The following RAB28 variants were observed in gnomAD, a reference collection of about 807,000 sequenced individuals.
RAB28 encodes the protein RAB28, member RAS oncogene family.
RAB28 carries 24 observed loss-of-function variants against 31.7 expected under a neutral mutation model. That is an observed-to-expected ratio of 0.76 (90% CI 0.55 to 1.06). The LOEUF is 1.06. RAB28 is among the 50% of genes least tolerant of loss of function. The probability of loss-of-function intolerance (pLI) is 0.00; values close to 1 mark genes in which losing one functional copy is unlikely to be tolerated. For missense variants in RAB28, 254 were observed against 258.5 expected, an observed-to-expected ratio of 0.98 and a Z score of 0.12; for synonymous variants, 100 against 90.4, an observed-to-expected ratio of 1.11 and a Z score of -0.60.
At chr4:13,474,027 T>C (rs187380875) in intron 3 of RAB28, 109 of 484,720 alleles carry the variant, frequency 2.2e-4, no homozygotes, top group African/African-American at 1.9e-3. Flanking sequence ...CTAATACATA[T>C]CAAAATATCA....
At chr4:13,460,008 AC>A in intron 4 of RAB28, 1 of 759,528 alleles carries the variant, frequency 1.3e-6, no homozygotes, top group Non-Finnish European at 2.0e-6. Context: ...GTTATAATAG[AC>A]CACGCATCAA....
At chr4:13,375,349 C>CT (rs1050446730) in intron 6 of RAB28, among the ~76,000 whole-genome samples, 4 of 152,052 alleles carry the variant, frequency 2.6e-5, no homozygotes, top group Admixed American at 2.0e-4. Context: ...TCTTTTAATT[C>CT]TTTTTTAGAC....
chr4:13,444,274 G>A (rs571219420), intron 4 of RAB28, among the ~76,000 whole-genome samples: 6 of 151,954 alleles, frequency 3.9e-5, no homozygotes, highest in East Asian at 1.9e-4. Flanking sequence ...TGATCCACCC[G>A]CCTCAGCCTC....
At chr4:13,409,827 G>A (rs1248426403) in intron 4 of RAB28, among the ~76,000 whole-genome samples, 2 of 152,102 alleles carry the variant, frequency 1.3e-5, no homozygotes, top group Non-Finnish European at 2.9e-5. Flanking sequence ...ACCAAATACA[G>A]TGCCACCACA....
intron 3 of RAB28, among the ~76,000 whole-genome samples, chr4:13,464,703 A>C (rs932712048): frequency 6.6e-6 from 1 of 152,154 alleles, no homozygotes; most frequent in Non-Finnish European, 1.5e-5. Flanking sequence ...TAAATGCAGC[A>C]CAGTGTAAAG....
At chr4:13,421,528 A>G (rs1713145021) in intron 4 of RAB28, among the ~76,000 whole-genome samples, 1 of 152,212 alleles carries the variant, frequency 6.6e-6, no homozygotes, top group Non-Finnish European at 1.5e-5. Flanking sequence ...ACAGTAACCA[A>G]AACAACATGG....
chr4:13,458,100 G>C, intron 4 of RAB28, among the ~76,000 whole-genome samples: 1 of 152,044 alleles, frequency 6.6e-6, no homozygotes, highest in Non-Finnish European at 1.5e-5. Flanking sequence ...AAAAGCATCT[G>C]ATTCACTCAA....
At chr4:13,393,572 G>T (rs568784987) in intron 4 of RAB28, among the ~76,000 whole-genome samples, 1 of 152,084 alleles carries the variant, frequency 6.6e-6, no homozygotes, top group Admixed American at 6.6e-5. Flanking sequence ...TGACTACACG[G>T]ACTGAAAACT....
At chr4:13,449,945 A>G (rs1714878087) in intron 4 of RAB28, among the ~76,000 whole-genome samples, 1 of 151,942 alleles carries the variant, frequency 6.6e-6, no homozygotes, top group Non-Finnish European at 1.5e-5. Context: ...TGGATCAGAT[A>G]GTATAAAGGC....
At chr4:13,391,806 C>G (rs777251172) in intron 4 of RAB28, among the ~76,000 whole-genome samples, 27 of 150,966 alleles carry the variant, frequency 1.8e-4, no homozygotes, top group Non-Finnish European at 1.9e-4. Context: ...ATCACAAGGA[C>G]AGAAAACTGA....
chr4:13,416,897 T>C (rs1712815344), intron 4 of RAB28, among the ~76,000 whole-genome samples: 2 of 152,206 alleles, frequency 1.3e-5, no homozygotes, highest in African/African-American at 4.8e-5. Flanking sequence ...GGACAGTGGA[T>C]GCAGCCCATG....
intron 4 of RAB28, among the ~76,000 whole-genome samples, chr4:13,389,713 T>C (rs1322898554): frequency 6.6e-6 from 1 of 151,528 alleles, no homozygotes; most frequent in East Asian, 2.0e-4. Context: ...TACCATGTTT[T>C]GTTTTTATTT....
At chr4:13,381,912 A>T (rs548359472) in intron 4 of RAB28, among the ~76,000 whole-genome samples, 4 of 152,312 alleles carry the variant, frequency 2.6e-5, no homozygotes, top group Admixed American at 2.6e-4. Flanking sequence ...CACACTGATG[A>T]TGCTCAACAA....
chr4:13,418,048 A>C (rs1560284824), intron 4 of RAB28, among the ~76,000 whole-genome samples: 1 of 152,222 alleles, frequency 6.6e-6, no homozygotes, highest in African/African-American at 2.4e-5. Flanking sequence ...CAGTGTTGAG[A>C]AGACCTTAAA....
rs141162059 is a variant in RAB28 at position 13,416,919 on chromosome 4, G to A, written c.392-35325C>T. On this transcript the variant is annotated intron_variant, in intron 4 of 6. Transcript: ENST00000330852. ...GGATGCAGCCCATGGATGGCAAGCC[G>A]AAGCAGGGCGGGGCATCACTTCACC... Among the ~76,000 whole-genome samples the A allele has an allele frequency of 8.8e-4, 134 of 152,304 alleles. 2 individuals carry two copies. In the East Asian group the frequency reaches 0.019, roughly 22 times the overall value.
At chr4:13,371,546 A>C in intron 6 of RAB28, 5 of 985,200 alleles carry the variant, frequency 5.1e-6, no homozygotes, top group Non-Finnish European at 6.0e-6. Context: ...ATTTTCATCA[A>C]ATTAATGAAG....
At chr4:13,427,364 C>T (rs953098943) in intron 4 of RAB28, among the ~76,000 whole-genome samples, 2 of 152,072 alleles carry the variant, frequency 1.3e-5, no homozygotes, top group African/African-American at 2.4e-5. Flanking sequence ...TGATTTCACA[C>T]AATGAATGTC....
At chr4:13,462,388 T>C (rs758750798) in intron 3 of RAB28, among the ~76,000 whole-genome samples, 1 of 152,166 alleles carries the variant, frequency 6.6e-6, no homozygotes, top group Non-Finnish European at 1.5e-5. Context: ...ATAACAGAAA[T>C]ACATAGTAAA....
At chr4:13,437,054 C>G (rs1714157877) in intron 4 of RAB28, among the ~76,000 whole-genome samples, 1 of 152,104 alleles carries the variant, frequency 6.6e-6, no homozygotes, top group African/African-American at 2.4e-5. Context: ...AGAAATAAAG[C>G]CACACACCTA....
Sources: gnomAD v4.1 joint callset for allele counts (sites outside exome capture counted in the v4.1 genomes callset) on GRCh38, gnomAD v4.1.1 for gene constraint, MANE v1.5 for transcripts, NCBI Gene and HGNC (gene_info 2026-07-23, HGNC 2026-07-21) for gene names.